C2orf81: variants seen among roughly 807,000 people sequenced by gnomAD.
C2orf81 encodes the protein uncharacterized protein C2orf81.
Under a neutral mutation model 7.9 loss-of-function variants are expected in C2orf81, and 5 were observed. The observed-to-expected ratio is 0.63, with a 90% confidence interval of 0.33 to 1.33. The LOEUF (loss-of-function observed/expected upper bound fraction) is 1.33. Among genes scored for constraint, C2orf81 ranks in the 40% most tolerant of loss-of-function variants. C2orf81 has a pLI of 0.05. For synonymous variants in C2orf81, 346 were observed against 367.4 expected (o/e 0.94, Z 0.66); for missense variants, 781 against 830.4 (o/e 0.94, Z 0.73).
In C2orf81 at chr2:74,415,593, G is replaced by T. The variant is rs529573479; in HGVS notation, c.584C>A (p.Pro195His). The change falls in exon 3 of 3, where the codon CCT (proline) becomes CAT (histidine). Residue 195 changes from proline to histidine, a missense_variant. By Grantham distance (77) the Pro-to-His change is moderately conservative. Transcript: ENST00000684111. The surrounding 1 kb of genome is among the most constrained non-coding windows in gnomAD (Gnocchi z 5.5). ...PQDPGGVDRIPLGRSWMGRGS... is the reference protein window; with the variant it reads ...PQDPGGVDRIHLGRSWMGRGS... ...TCGACCCATCCACGACCTTCCTAAA[G>T]GGATCCGGTCCACGCCCCCAGGGTC... 1 of 1,551,282 alleles carries T rather than the reference G, an allele frequency of 6.4e-7. No homozygotes were observed. Among genetic ancestry groups the T allele is most frequent in the Non-Finnish European group, 8.7e-7 (1 of 1,147,002 alleles).
chr2:74,419,672 T>A (rs771219867), intron 1 of C2orf81, among the ~76,000 whole-genome samples: 8 of 152,258 alleles, frequency 5.3e-5, no homozygotes, highest in Admixed American at 1.3e-4. Context: ...ATTTTTATAA[T>A]AGCAGAATAT....
At chr2:74,416,625 T>G (rs1333826114) in intron 1 of C2orf81, 1 of 159,416 alleles carries the variant, frequency 6.3e-6, no homozygotes, top group Non-Finnish European at 1.4e-5. Flanking sequence ...AACCGAAGTC[T>G]GACAGAAGTT....
chr2:74,415,130 C>T lies in C2orf81; in HGVS notation c.1047G>A (p.Gln349=). 3 of 1,485,044 alleles carry T rather than the reference C, an allele frequency of 2.0e-6. No individual in the cohort carries two copies. The highest frequency in any genetic ancestry group is 2.6e-6 in the Non-Finnish European group (3 of 1,141,186). 92.0% of individuals were successfully genotyped at this position (1,485,044 alleles called of 1,614,324 possible). A position where few individuals can be genotyped will look rare whatever the true frequency, so the allele number is the denominator to read the frequency against. ...CATCCGAGTGCCCGGCCCGCTGCTG[C>T]TGGCAGGACGCGGAGGGGCGGGTGG... is the stretch of plus-strand genomic sequence containing the variant. ...GGATRPSASC[Q]QQRAGHSDVR... Residue 349 remains glutamine, a synonymous_variant, in exon 3 of 3, where the codon CAG becomes CAA. Transcript: ENST00000684111. The surrounding 1 kb of genome is among the most constrained non-coding windows in gnomAD (Gnocchi z 5.5).
intron 1 of C2orf81, chr2:74,418,282 G>A (rs1676518597): frequency 1.2e-6 from 2 of 1,608,054 alleles, no homozygotes; most frequent in Non-Finnish European, 1.7e-6. Flanking sequence ...AGGTCTCTTA[G>A]GTGTTGGCAC....
chr2:74,415,521 C>A lies in C2orf81; in HGVS notation c.656G>T (p.Arg219Ile). The part of the protein sequence containing the change: ...MESWEPSPQL[R>I]VTSAPPPTSE... The stretch of plus-strand genomic sequence containing the variant: ...TGTGGGAGGAGGGGCCGACGTGACT[C>A]TCAGCTGCGGAGAAGGCTCCCAAGA... The change falls in exon 3 of 3, where the codon AGA (arginine) becomes ATA (isoleucine). Residue 219 changes from arginine (R) to isoleucine (I), a missense_variant. By Grantham distance (97) the Arg-to-Ile change is moderately conservative. Coordinates refer to ENST00000684111, the MANE Select transcript of C2orf81 (RefSeq NM_001316764.3). This position sits in a 1 kb window ranked among gnomAD's most constrained non-coding sequence, Gnocchi z 5.5. 5.8e-6 allele frequency: 9 copies of A among 1,545,836 alleles called. No individual in the cohort carries two copies. Among genetic ancestry groups the A allele is most frequent in the Non-Finnish European group, 7.9e-6 (9 of 1,142,638 alleles).
At position 74,415,017 on chromosome 2, in the gene C2orf81, C is replaced by A; in HGVS notation, c.1160G>T (p.Arg387Leu). Residue 387 changes from arginine to leucine, a missense_variant, in exon 3 of 3, where the codon CGC becomes CTC. Coordinates refer to ENST00000684111, the MANE Select transcript of C2orf81 (RefSeq NM_001316764.3). The surrounding 1 kb of genome is among the most constrained non-coding windows in gnomAD (Gnocchi z 5.5). Reference protein sequence around the residue: ...DPARLPCHWVRPLAEVLVPDS... With the variant: ...DPARLPCHWVLPLAEVLVPDS... ...TGGGACCAGGACCTCAGCCAGAGGGCGCACCCAGTGGCACGGGAGCCTCGC... is the reference window on the plus strand; with the variant it reads ...TGGGACCAGGACCTCAGCCAGAGGGAGCACCCAGTGGCACGGGAGCCTCGC... The A allele has an allele frequency of 6.5e-7, 1 of 1,548,738 alleles. No individual in the cohort carries two copies. The highest frequency in any genetic ancestry group is 8.7e-7 in the Non-Finnish European group (1 of 1,146,046).
chr2:74,415,299 G>C lies in C2orf81; in HGVS notation c.878C>G (p.Pro293Arg). 6.4e-7 allele frequency: 1 copy of C among 1,550,958 alleles called. No individual in the cohort carries two copies. The highest frequency in any genetic ancestry group is 8.7e-7 in the Non-Finnish European group (1 of 1,146,678). Residue 293 changes from proline to arginine, a missense_variant, in exon 3 of 3, where the codon CCC becomes CGC. Pro to Arg is a moderately radical substitution (Grantham distance 103, BLOSUM62 -2). Coordinates refer to ENST00000684111, the MANE Select transcript of C2orf81 (RefSeq NM_001316764.3). The surrounding 1 kb of genome is among the most constrained non-coding windows in gnomAD (Gnocchi z 5.5). ...SPQASTGRGH[P>R]LGFHLSLEDL... is the part of the protein sequence containing the mutation. ...TTCCAACGACAAATGGAAGCCGAGG[G>C]GGTGTCCCCTCCCAGTTGAGGCCTG...
At chr2:74,418,824 C>A (rs917451473) in intron 1 of C2orf81, among the ~76,000 whole-genome samples, 20 of 151,958 alleles carry the variant, frequency 1.3e-4, no homozygotes, top group African/African-American at 4.6e-4. Context: ...CAGAGCCTCT[C>A]AAAGACATTT....
chr2:74,417,369 T>C (rs745796060), intron 1 of C2orf81: 1 of 1,307,996 alleles, frequency 7.6e-7, no homozygotes, highest in African/African-American at 1.5e-5. Context: ...GCCACAGGGC[T>C]CATGGGCCTC....
At position 74,421,610 on chromosome 2, in the gene C2orf81, G is replaced by T; in HGVS notation, c.-50C>A. On this transcript the variant is annotated 5_prime_UTR_variant, in exon 1 of 3. Coordinates refer to ENST00000684111, the MANE Select transcript of C2orf81 (RefSeq NM_001316764.3). ...GGTGTTTCTGCTGCATCCGGGCCGC[G>T]TAAGCCACCTAACAGTCGCCTGGGC... 2.3e-6 allele frequency: 1 copy of T among 426,162 alleles called. No individual in the cohort carries two copies. The allele number at this position is 426,162 out of a possible 1,614,324, so 26.4% of individuals were successfully genotyped here.
chr2:74,418,400 T>C (rs777493649), intron 1 of C2orf81: 5 of 1,588,282 alleles, frequency 3.1e-6, no homozygotes, highest in Non-Finnish European at 3.5e-6. Context: ...TTTTTCTGCT[T>C]GGAGGCCAAG....
intron 1 of C2orf81, 26 bp downstream of exon 1, chr2:74,421,517 G>C: frequency 2.6e-6 from 1 of 382,064 alleles, no homozygotes; most frequent in Non-Finnish European, 4.7e-6. Flanking sequence ...TGGCTCTGGC[G>C]CATCCCCAGC....
Position 74,416,033 on chromosome 2 carries a change from A to C in C2orf81, c.227T>G (p.Phe76Cys). The change falls in exon 2 of 3, where the codon TTC (phenylalanine) becomes TGC (cysteine). Residue 76 changes from phenylalanine (F) to cysteine (C), a missense_variant. Phe to Cys is a radical substitution (Grantham distance 205). Transcript: ENST00000684111. ...DLLARVMDSAFKVYLTQQCIP... is the reference protein window; with the variant it reads ...DLLARVMDSACKVYLTQQCIP... ...CACCTGCTGAGTCAGGTAGACTTTG[A>C]AAGCAGAGTCCATGACTCGAGCCAG... 6.5e-7 allele frequency: 1 copy of C among 1,550,076 alleles called. No homozygotes were observed. The highest frequency in any genetic ancestry group is 1.2e-5 in the South Asian group (1 of 83,230).
chr2:74,415,080 C>G lies in C2orf81; in HGVS notation c.1097G>C (p.Arg366Thr). ...TTTCACGGCCGCCTTGCGGCGCATC[C>G]TGTGGTGGTGGGCGCTCAGCCGCAC... ...SDVRLSAHHH[R>T]MRRKAAVKRL... The change falls in exon 3 of 3, where the codon AGG becomes ACG. Residue 366 changes from arginine to threonine, a missense_variant. Physicochemically the swap from Arg to Thr is moderately conservative, Grantham distance 71. Coordinates refer to ENST00000684111, the MANE Select transcript of C2orf81 (RefSeq NM_001316764.3). The surrounding 1 kb of genome is among the most constrained non-coding windows in gnomAD (Gnocchi z 5.5). The G allele has an allele frequency of 6.5e-7, 1 of 1,548,062 alleles. No homozygotes were observed. The highest frequency in any genetic ancestry group is 8.7e-7 in the Non-Finnish European group (1 of 1,145,646).
In C2orf81 at chr2:74,418,184, G is replaced by C. The variant is rs1258917220; in HGVS notation, c.19-1943C>G. Reference sequence around the variant, plus strand: ...TCTTCCTCCTTCTCCAGTTTTTTGGGTCTTCCCCTTGGTTTCCTTCCCAGA... The same window carrying C: ...TCTTCCTCCTTCTCCAGTTTTTTGGCTCTTCCCCTTGGTTTCCTTCCCAGA... On this transcript the variant is annotated intron_variant, in intron 1 of 2. Transcript: ENST00000684111. 5.3e-6 allele frequency: 7 copies of C among 1,309,970 alleles called. No individual in the cohort carries two copies. In the African/African-American group the frequency reaches 1.0e-4, roughly 19 times the overall value. The allele number at this position is 1,309,970 out of a possible 1,614,324, so 81.1% of individuals were successfully genotyped here.
At chr2:74,419,252 C>T (rs58194507) in intron 1 of C2orf81, among the ~76,000 whole-genome samples, 4,238 of 151,794 alleles carry the variant, frequency 0.028, 211 homozygotes, top group African/African-American at 0.097. Flanking sequence ...GGCGCACACC[C>T]ACAGTACCAG....
At position 74,414,195 on chromosome 2, in the gene C2orf81, A is replaced by G. The variant is rs1676371656; in HGVS notation, c.*134T>C. On this transcript the variant is annotated 3_prime_UTR_variant, in exon 3 of 3. Transcript: ENST00000684111. The surrounding 1 kb of genome is among the most constrained non-coding windows in gnomAD (Gnocchi z 5.3). ...ATCAGACTAGTTCCTAAGGCAACTC[A>G]GGTGTTTATTTCTGGCTAGCAGAGG... The G allele has an allele frequency of 1.3e-5, 11 of 864,136 alleles. No homozygotes were observed. The highest frequency in any genetic ancestry group is 1.8e-5 in the Non-Finnish European group (11 of 616,772). The allele number at this position is 864,136 out of a possible 1,614,324, so 53.5% of individuals were successfully genotyped here.
rs771549736 is a variant in C2orf81 at position 74,416,222 on chromosome 2, C to T, written c.38G>A (p.Arg13Gln). 36 of 1,390,368 alleles carry T rather than the reference C, an allele frequency of 2.6e-5. No individual in the cohort carries two copies. The highest frequency in any genetic ancestry group is 3.0e-5 in the Non-Finnish European group (32 of 1,049,964). 86.1% of individuals were successfully genotyped at this position (1,390,368 alleles called of 1,614,324 possible). ...CTTGGACCGGGTCACCCCGCGGTCT[C>T]GGACCTGCCTCTCCTGCCTCTGTGA... ...HEGSRQERQVRDRGVTRSKAE... is the reference protein window; with the variant it reads ...HEGSRQERQVQDRGVTRSKAE... Residue 13 changes from arginine to glutamine, a missense_variant, in exon 2 of 3, where the codon CGA (arginine) becomes CAA (glutamine). By Grantham distance (43) the Arg-to-Gln change is conservative. Transcript: ENST00000684111.
intron 1 of C2orf81, chr2:74,417,259 A>C: frequency 3.1e-6 from 2 of 641,830 alleles, no homozygotes; most frequent in Non-Finnish European, 4.8e-6. Context: ...GGGAAGGGTG[A>C]GCTCCTTGTT....
Sources: gnomAD v4.1 joint callset for allele counts (sites outside exome capture counted in the v4.1 genomes callset) on GRCh38, gnomAD v4.1.1 for gene constraint, Gnocchi (gnomAD v3.1) non-coding constraint, MANE v1.5 for transcripts, NCBI Gene and HGNC (gene_info 2026-07-23, HGNC 2026-07-21) for gene names.